PARPBP: variants seen among roughly 807,000 people sequenced by gnomAD.
PARPBP encodes PCNA-interacting partner.
A neutral mutation model predicts 50.0 loss-of-function variants in PARPBP; 52 were observed. The ratio of observed to expected loss-of-function variants is 1.04; its 90% CI spans 0.83 to 1.31. The LOEUF (loss-of-function observed/expected upper bound fraction) is 1.31. Ranked by LOEUF, PARPBP falls within the 50% of genes most tolerant of loss-of-function variation. PARPBP has a pLI of 0.00. For missense variants in PARPBP, 697 were observed against 672.0 expected, an observed-to-expected ratio of 1.04 and a Z score of -0.41; for synonymous variants, 244 against 232.1, an observed-to-expected ratio of 1.05 and a Z score of -0.47.
chr12:102,170,108 T>G (rs6539027), intron 6 of PARPBP, among the ~76,000 whole-genome samples: 11 of 152,254 alleles, frequency 7.2e-5, no homozygotes, highest in African/African-American at 2.7e-4. Flanking sequence ...ACTTTGCCAG[T>G]AGGTGACACC....
intron 6 of PARPBP, among the ~76,000 whole-genome samples, chr12:102,166,537 C>T (rs1387992397): frequency 6.6e-6 from 1 of 152,104 alleles, no homozygotes; most frequent in African/African-American, 2.4e-5. Flanking sequence ...TGTTACATGT[C>T]AGACATTGTG....
Position 102,196,220 on chromosome 12 carries a change from A to G in PARPBP, c.1669A>G (p.Ser557Gly). The G allele has an allele frequency of 6.2e-7, 1 of 1,610,996 alleles. No individual in the cohort carries two copies. Among genetic ancestry groups the G allele is most frequent in the Non-Finnish European group, 8.5e-7 (1 of 1,178,466 alleles). ...CGGCAAACTAGCTAAAGTAGCAAAA[A>G]GTAATAAATGTACTGCCAAGGACAA... ...LYGKLAKVAK[S>G]NKCTAKDKLI... The change falls in exon 11 of 11, where the codon AGT becomes GGT. Residue 557 changes from serine (S) to glycine (G), a missense_variant. Transcript: ENST00000327680.
At chr12:102,195,910 A>G (rs1156665818) in intron 10 of PARPBP, 41 bp from the exon 11 acceptor site, 7 of 1,265,698 alleles carry the variant, frequency 5.5e-6, no homozygotes, top group African/African-American at 3.0e-5. Flanking sequence ...TTAATACTCA[A>G]TATCATGTAA....
In PARPBP at chr12:102,196,085, C is replaced by T; in HGVS notation, c.1534C>T (p.Gln512Ter). 1 of 1,611,792 alleles carries T rather than the reference C, an allele frequency of 6.2e-7. No individual in the cohort carries two copies. Among genetic ancestry groups the T allele is most frequent in the Non-Finnish European group, 8.5e-7 (1 of 1,178,582 alleles). The change falls in exon 11 of 11, where the codon CAG becomes TAG. Residue 512 changes from glutamine to a stop codon, truncating the protein, a stop_gained. Coordinates refer to ENST00000327680, the MANE Select transcript of PARPBP (RefSeq NM_017915.5). LOFTEE classifies it low-confidence loss of function (END_TRUNC). ...AGGAAATAAAAGCTCAAAAAGGAAACAGGTGGATTTGGATGGTGAAAATAT... is the reference window on the plus strand; with the variant it reads ...AGGAAATAAAAGCTCAAAAAGGAAATAGGTGGATTTGGATGGTGAAAATAT... ...QTGNKSSKRK[Q>*]VDLDGENILC...
chr12:102,140,766 G>C (rs1296074090), intron 2 of PARPBP, among the ~76,000 whole-genome samples: 3 of 152,176 alleles, frequency 2.0e-5, no homozygotes, highest in Non-Finnish European at 4.4e-5. Context: ...GGAGCAGGTT[G>C]TTCAGTTTCC....
At chr12:102,191,896 G>C (rs1890824186) in intron 9 of PARPBP, among the ~76,000 whole-genome samples, 1 of 152,074 alleles carries the variant, frequency 6.6e-6, no homozygotes, top group South Asian at 2.1e-4. Context: ...TACTTCAAAA[G>C]CACTTTTAAG....
At chr12:102,186,155 G>T (rs1290370837) in intron 9 of PARPBP, among the ~76,000 whole-genome samples, 1 of 151,832 alleles carries the variant, frequency 6.6e-6, no homozygotes, top group African/African-American at 2.4e-5. Flanking sequence ...AATATTAGTT[G>T]TAATGTCTCC....
chr12:102,195,809 G>A, intron 10 of PARPBP, 142 bp from the exon 11 acceptor site: 1 of 593,516 alleles, frequency 1.7e-6, no homozygotes, highest in East Asian at 2.9e-5. Context: ...AGCTATATTT[G>A]TCAATCATAT....
intron 9 of PARPBP, among the ~76,000 whole-genome samples, chr12:102,191,803 C>G (rs188027392): frequency 6.6e-6 from 1 of 152,250 alleles, no homozygotes; most frequent in Admixed American, 6.5e-5. Context: ...GGAATACTTT[C>G]AATCCATTTC....
chr12:102,161,951 T>C (rs1416354140), intron 4 of PARPBP, among the ~76,000 whole-genome samples: 1 of 152,208 alleles, frequency 6.6e-6, no homozygotes, highest in African/African-American at 2.4e-5. Context: ...AACTTTGTTT[T>C]CTTGTAATTA....
chr12:102,166,237 AG>A (rs1282654090), intron 6 of PARPBP, among the ~76,000 whole-genome samples: 1 of 152,170 alleles, frequency 6.6e-6, no homozygotes, highest in African/African-American at 2.4e-5. Context: ...ATCAAGAATG[AG>A]TAAGAAAATT....
intron 5 of PARPBP, among the ~76,000 whole-genome samples, chr12:102,164,981 T>C (rs534648076): frequency 6.6e-6 from 1 of 152,288 alleles, no homozygotes; most frequent in East Asian, 1.9e-4. Flanking sequence ...ATATAAGAGC[T>C]CTGAGAAGTC....
intron 7 of PARPBP, 124 bp downstream of exon 7, chr12:102,175,790 A>T: frequency 1.7e-6 from 1 of 593,590 alleles, no homozygotes; most frequent in Non-Finnish European, 2.7e-6. Flanking sequence ...CTAAAATGAT[A>T]TTGAAAATGT....
chr12:102,123,123 C>T (rs1215627938), intron 1 of PARPBP, among the ~76,000 whole-genome samples: 2 of 152,082 alleles, frequency 1.3e-5, no homozygotes, highest in African/African-American at 4.8e-5. Context: ...GACTTAATGC[C>T]CAGGGTTTTT....
intron 2 of PARPBP, among the ~76,000 whole-genome samples, chr12:102,143,885 T>A (rs1311376102): frequency 6.6e-6 from 1 of 152,164 alleles, no homozygotes; most frequent in African/African-American, 2.4e-5. Flanking sequence ...TTACAGTACC[T>A]GTGATTGACT....
At chr12:102,175,317 G>A (rs553060661) in intron 6 of PARPBP, among the ~76,000 whole-genome samples, 166 bp from the exon 7 acceptor site, 1 of 151,988 alleles carries the variant, frequency 6.6e-6, no homozygotes, top group African/African-American at 2.4e-5. Flanking sequence ...TTTAAATTTT[G>A]TTTCTAATGG....
intron 6 of PARPBP, among the ~76,000 whole-genome samples, chr12:102,175,065 GA>G (rs1310076010): frequency 6.6e-6 from 1 of 152,100 alleles, no homozygotes; most frequent in Non-Finnish European, 1.5e-5. Flanking sequence ...GTGATGTAGG[GA>G]TAATAATATC....
intron 10 of PARPBP, 88 bp downstream of exon 10, chr12:102,195,535 C>G: frequency 2.0e-6 from 2 of 996,686 alleles, no homozygotes; most frequent in Non-Finnish European, 3.0e-6. Context: ...GTTATTTTTG[C>G]AAAGTACTAT....
At chr12:102,143,777 A>AT (rs530878679) in intron 2 of PARPBP, among the ~76,000 whole-genome samples, 4,599 of 148,222 alleles carry the variant, frequency 0.031, 146 homozygotes, top group African/African-American at 0.079. Flanking sequence ...AATAGAGGCT[A>AT]TTTTTTTTTT....
Sources: allele counts gnomAD v4.1 joint callset (sites outside exome capture counted in the v4.1 genomes callset), GRCh38; gene constraint gnomAD v4.1.1; transcripts MANE v1.5; gene names NCBI Gene and HGNC (gene_info 2026-07-23, HGNC 2026-07-21).